SNX29: variants seen among roughly 807,000 people sequenced by gnomAD.
The protein encoded by SNX29 is sorting nexin 29.
SNX29 carries 78 observed loss-of-function variants against 102.1 expected under a neutral mutation model. The observed-to-expected ratio is 0.76, with a 90% confidence interval of 0.64 to 0.92. The LOEUF (loss-of-function observed/expected upper bound fraction) is 0.92. Among genes scored for constraint, SNX29 ranks in the 40% least tolerant of loss-of-function variants. The pLI is 0.00. For missense variants in SNX29, 1,280 were observed against 1,061.7 expected, an observed-to-expected ratio of 1.21 and a Z score of -2.86; for synonymous variants, 580 against 414.5, an observed-to-expected ratio of 1.40 and a Z score of -4.85.
Position 12,084,244 on chromosome 16 carries a change from C to T in SNX29, c.1402+5329C>T, listed in dbSNP as rs550096601. Reference sequence around the variant, plus strand: ...CACTGAAACCTCCGCCTCCCGGATTCAGGCTATTCTCCTGCCTCAGCCTCA... The same window carrying T: ...CACTGAAACCTCCGCCTCCCGGATTTAGGCTATTCTCCTGCCTCAGCCTCA... On this transcript the variant is annotated intron_variant, in intron 11 of 20. Transcript: ENST00000566228. Among the ~76,000 whole-genome samples, 3 of 151,882 alleles carry T rather than the reference C, an allele frequency of 2.0e-5. No individual in the cohort carries two copies. The South Asian group carries it at 6.2e-4, about 32-fold the overall frequency.
At chr16:12,065,070 G>C (rs144010888) in intron 9 of SNX29, among the ~76,000 whole-genome samples, 1 of 152,322 alleles carries the variant, frequency 6.6e-6, no homozygotes, top group African/African-American at 2.4e-5. Flanking sequence ...GAGGGAGAAA[G>C]GAGCAAAGAA....
chr16:12,476,421 T>C lies in SNX29; in HGVS notation c.2038-1298T>C, dbSNP rs9931178. Among the ~76,000 whole-genome samples the C allele has an allele frequency of 9.8e-3, 507 of 51,932 alleles. 26 individuals are homozygous for C. Among genetic ancestry groups the C allele is most frequent in the East Asian group, 0.039 (85 of 2,192 alleles). The allele number at this position is 51,932 out of a possible 152,430, so 34.1% of individuals were successfully genotyped here. The stretch of plus-strand genomic sequence containing the variant: ...ATATATATATATATATACATATATA[T>C]ATATATATATATATATATATATGAT... On this transcript the variant is annotated intron_variant, in intron 18 of 20. Transcript: ENST00000566228.
At chr16:12,353,667 G>A (rs1226088418) in intron 15 of SNX29, among the ~76,000 whole-genome samples, 1 of 152,170 alleles carries the variant, frequency 6.6e-6, no homozygotes, top group East Asian at 1.9e-4. Context: ...TCTCTTCCTT[G>A]TCTCCAGGGT....
intron 11 of SNX29, among the ~76,000 whole-genome samples, chr16:12,081,059 T>C (rs1371426691): frequency 6.6e-6 from 1 of 152,206 alleles, no homozygotes; most frequent in Admixed American, 6.5e-5. Flanking sequence ...ATCTCACTAC[T>C]GTAAATGGAG....
chr16:12,065,087 A>C lies in SNX29; in HGVS notation c.1243+3441A>C, dbSNP rs573320416. Among the ~76,000 whole-genome samples, 141 of 152,290 alleles carry C rather than the reference A, an allele frequency of 9.3e-4. 1 individual carries two copies. Among genetic ancestry groups the C allele is most frequent in the Admixed American group, 6.8e-3 (104 of 15,290 alleles). ...GGGAGAAAGGAGCAAAGAAGGGGGA[A>C]CCCTGAAAGGAGTTCTCTTGAATCT... On this transcript the variant is annotated intron_variant, in intron 9 of 20. Coordinates refer to ENST00000566228, the MANE Select transcript of SNX29 (RefSeq NM_032167.5).
chr16:12,334,576 C>T (rs1288503825), intron 15 of SNX29, among the ~76,000 whole-genome samples: 1 of 152,198 alleles, frequency 6.6e-6, no homozygotes, highest in South Asian at 2.1e-4. Flanking sequence ...AGATAAGAAT[C>T]TGGCATCCTG....
intron 19 of SNX29, among the ~76,000 whole-genome samples, chr16:12,524,082 C>T (rs540807056): frequency 3.9e-5 from 6 of 152,302 alleles, no homozygotes; most frequent in Admixed American, 2.6e-4. Context: ...CGTGGGGTTT[C>T]TCCAGGTTGG....
In SNX29 at chr16:12,530,193, G is replaced by C. The variant is rs552424620; in HGVS notation, c.2318+5352G>C. On this transcript the variant is annotated intron_variant, in intron 20 of 20. Coordinates refer to ENST00000566228, the MANE Select transcript of SNX29 (RefSeq NM_032167.5). ...CATAGAAAGTGCGGTGTTGATTTTG[G>C]AGTTGCTGATAGTCTTTGGCTCTTC... 4.6e-5 allele frequency among the ~76,000 whole-genome samples: 7 copies of C among 152,336 alleles called. No homozygotes were observed. In the South Asian group the frequency reaches 1.5e-3, roughly 32 times the overall value.
At position 12,478,281 on chromosome 16, in the gene SNX29, T is replaced by C. The variant is rs527760046; in HGVS notation, c.2178+422T>C. On this transcript the variant is annotated intron_variant, in intron 19 of 20. Transcript: ENST00000566228. ...ATAGACAGCAGCTGGATTTGGCCTA[T>C]AGGTTAGTTTGCCAACCCCTGTTCT... Among the ~76,000 whole-genome samples, 6 of 152,370 alleles carry C rather than the reference T, an allele frequency of 3.9e-5. No homozygotes were observed. The South Asian group carries it at 1.0e-3, about 26-fold the overall frequency.
chr16:12,358,585 A>G (rs1353087669), intron 16 of SNX29, among the ~76,000 whole-genome samples: 1 of 152,062 alleles, frequency 6.6e-6, no homozygotes, highest in Non-Finnish European at 1.5e-5. Context: ...TGCTATCCAT[A>G]AAGAAATTGA....
chr16:12,043,973 T>C (rs8057116), intron 5 of SNX29, among the ~76,000 whole-genome samples: 57,083 of 151,988 alleles, frequency 0.38, 11,240 homozygotes, highest in Middle Eastern at 0.45. Flanking sequence ...AGGCTGGTCT[T>C]GAACTCCAGA....
chr16:12,244,066 A>G (rs1334823609), intron 14 of SNX29, among the ~76,000 whole-genome samples: 2 of 152,160 alleles, frequency 1.3e-5, no homozygotes, highest in East Asian at 1.9e-4. Context: ...CCTAGATCCC[A>G]TGGGTGCGCA....
At chr16:12,561,379 T>C (rs180858767) in intron 20 of SNX29, among the ~76,000 whole-genome samples, 6 of 152,238 alleles carry the variant, frequency 3.9e-5, no homozygotes, top group African/African-American at 1.4e-4. Context: ...TCGTGGAAGA[T>C]GCTGGCCACA....
chr16:12,541,989 G>C (rs972761165), intron 20 of SNX29, among the ~76,000 whole-genome samples: 2 of 152,162 alleles, frequency 1.3e-5, no homozygotes, highest in African/African-American at 2.4e-5. Flanking sequence ...TGTCTTATGA[G>C]TCCAGAAGGG....
chr16:12,541,066 T>A (rs982401672), intron 20 of SNX29, among the ~76,000 whole-genome samples: 8 of 152,132 alleles, frequency 5.3e-5, no homozygotes, highest in Non-Finnish European at 1.0e-4. Context: ...GTTTCCTGAG[T>A]TATTGACTAG....
At chr16:12,285,577 T>G (rs966361304) in intron 15 of SNX29, among the ~76,000 whole-genome samples, 36 of 152,206 alleles carry the variant, frequency 2.4e-4, no homozygotes, top group Non-Finnish European at 5.9e-5. Context: ...ACGCTGTAGA[T>G]AACTGTGAAT....
intron 18 of SNX29, among the ~76,000 whole-genome samples, chr16:12,409,928 G>C (rs904503989): frequency 5.8e-4 from 89 of 152,334 alleles, no homozygotes; most frequent in African/African-American, 2.0e-3. Flanking sequence ...TTGCGCAACA[G>C]AACCGATTAG....
intron 15 of SNX29, among the ~76,000 whole-genome samples, chr16:12,345,904 A>G (rs2081785718): frequency 6.6e-6 from 1 of 152,180 alleles, no homozygotes; most frequent in South Asian, 2.1e-4. Flanking sequence ...ATTGTGGACA[A>G]ATGTGAATGT....
At chr16:12,102,453 G>A (rs1435231251) in intron 11 of SNX29, among the ~76,000 whole-genome samples, 4 of 152,058 alleles carry the variant, frequency 2.6e-5, no homozygotes, top group South Asian at 2.1e-4. Context: ...TTTAATGATC[G>A]CCATTCTAAC....
Sources: allele counts gnomAD v4.1 joint callset (sites outside exome capture counted in the v4.1 genomes callset), GRCh38; gene constraint gnomAD v4.1.1; transcripts MANE v1.5; gene names NCBI Gene and HGNC (gene_info 2026-07-23, HGNC 2026-07-21).